Variants in BNC2 observed in about 807,000 individuals in gnomAD.
BNC2 encodes basonuclin zinc finger protein 2, also known as zinc finger protein basonuclin-2.
In BNC2, 20 loss-of-function variants were observed where a neutral mutation model predicts 76.3. The ratio of observed to expected loss-of-function variants is 0.26; its 90% confidence interval spans 0.18 to 0.38. BNC2 has a LOEUF of 0.38. Ranked by LOEUF, BNC2 falls within the 10% of genes least tolerant of loss-of-function variation. BNC2 has a pLI of 1.00. For synonymous variants in BNC2, 582 were observed against 514.8 expected (o/e 1.13, Z -1.77); for missense variants, 1,382 against 1,399.8 (o/e 0.99, Z 0.20).
chr9:16,694,400 C>T (rs936446125), intron 3 of BNC2, among the ~76,000 whole-genome samples: 16 of 152,078 alleles, frequency 1.1e-4, no homozygotes, highest in African/African-American at 3.9e-4. Context: ...GTTTAAGAGA[C>T]AAATACAACA....
At chr9:16,817,671 G>A (rs1035740751) in intron 1 of BNC2, among the ~76,000 whole-genome samples, 7 of 152,114 alleles carry the variant, frequency 4.6e-5, no homozygotes, top group Admixed American at 1.3e-4. Flanking sequence ...ATGGTTTAAC[G>A]TGCCTTAAAC....
intron 5 of BNC2, among the ~76,000 whole-genome samples, chr9:16,533,883 G>A (rs572339021): frequency 1.3e-5 from 2 of 152,170 alleles, no homozygotes; most frequent in South Asian, 2.1e-4. Context: ...AATTTTATTA[G>A]AGAGAAACAT....
chr9:16,613,670 C>T (rs973155249), intron 3 of BNC2, among the ~76,000 whole-genome samples: 1 of 152,194 alleles, frequency 6.6e-6, no homozygotes, highest in South Asian at 2.1e-4. Context: ...GCCTCTTAGA[C>T]CTCTTACCAT....
intron 3 of BNC2, among the ~76,000 whole-genome samples, chr9:16,694,837 C>T (rs772152617): frequency 6.6e-6 from 1 of 152,094 alleles, no homozygotes; most frequent in Non-Finnish European, 1.5e-5. Flanking sequence ...GAAAAATGTG[C>T]AAACGCATAC....
chr9:16,710,872 A>G (rs1538101), intron 3 of BNC2, among the ~76,000 whole-genome samples: 137,331 of 152,172 alleles, frequency 0.9, 62,066 homozygotes, highest in Admixed American at 0.93. Flanking sequence ...CACAGGACCC[A>G]CATTACTACT....
At chr9:16,779,840 G>A (rs61562818) in intron 1 of BNC2, among the ~76,000 whole-genome samples, 5 of 152,190 alleles carry the variant, frequency 3.3e-5, no homozygotes, top group African/African-American at 1.2e-4. Context: ...GCAGTGTTGT[G>A]GGGGGGCCAG....
chr9:16,827,397 C>G (rs1182263373), intron 1 of BNC2, among the ~76,000 whole-genome samples: 2 of 152,100 alleles, frequency 1.3e-5, no homozygotes, highest in Admixed American at 1.3e-4. Flanking sequence ...TCAGTGGGAC[C>G]CACTGAACAG....
intron 5 of BNC2, among the ~76,000 whole-genome samples, chr9:16,448,263 T>C (rs569362278): frequency 6.6e-6 from 1 of 152,146 alleles, no homozygotes; most frequent in Non-Finnish European, 1.5e-5. Flanking sequence ...TTTCTAAACA[T>C]AAATGCCAGA....
intron 4 of BNC2, among the ~76,000 whole-genome samples, chr9:16,556,318 CACAA>C (rs1254529258): frequency 3.3e-5 from 5 of 152,040 alleles, no homozygotes; most frequent in Admixed American, 2.0e-4. Flanking sequence ...ACTTTATTTA[CACAA>C]ACAGACACCT....
chr9:16,727,941 T>C lies in BNC2; in HGVS notation c.186A>G (p.Pro62=). ...RERETQRDRE[P]KRARDLTLRD... ...TTAAAGTCAAGTCTCTTGCCCTCTT[T>C]GGCTCTCTGTCTCTCTGTGTCTCTC... The change falls in exon 3 of 7, where the codon CCA becomes CCG. Residue 62 remains proline (P), a synonymous_variant. Transcript: ENST00000380672. 1 of 1,614,144 alleles carries C rather than the reference T, an allele frequency of 6.2e-7. No individual in the cohort carries two copies. The highest frequency in any genetic ancestry group is 8.5e-7 in the Non-Finnish European group (1 of 1,180,030).
intron 3 of BNC2, among the ~76,000 whole-genome samples, chr9:16,678,614 T>A (rs984177244): frequency 7.2e-5 from 11 of 151,766 alleles, no homozygotes; most frequent in East Asian, 3.9e-4. Context: ...GTAATTTTTT[T>A]AAAATTCTTT....
intron 1 of BNC2, among the ~76,000 whole-genome samples, chr9:16,822,353 A>G (rs922492671): frequency 4.7e-4 from 72 of 152,192 alleles, no homozygotes; most frequent in Non-Finnish European, 5.3e-4. Context: ...TAAATAGAAG[A>G]AATCAAGACA....
intron 1 of BNC2, among the ~76,000 whole-genome samples, chr9:16,777,676 T>C (rs915611346): frequency 1.5e-5 from 2 of 134,842 alleles, no homozygotes; most frequent in African/African-American, 5.5e-5. Flanking sequence ...ATTCCAGCCT[T>C]GGCGACAGGG....
At chr9:16,515,503 C>T (rs1822856238) in intron 5 of BNC2, among the ~76,000 whole-genome samples, 1 of 152,112 alleles carries the variant, frequency 6.6e-6, no homozygotes, top group South Asian at 2.1e-4. Context: ...CACCAACTCC[C>T]CTCTGGCTGT....
chr9:16,447,517 C>T (rs1429968037), intron 5 of BNC2, among the ~76,000 whole-genome samples: 1 of 152,084 alleles, frequency 6.6e-6, no homozygotes, highest in Non-Finnish European at 1.5e-5. Flanking sequence ...GTATTTATGA[C>T]TGAAAGTATG....
intron 3 of BNC2, among the ~76,000 whole-genome samples, chr9:16,708,776 G>A (rs757328597): frequency 1.3e-5 from 2 of 152,172 alleles, no homozygotes; most frequent in South Asian, 2.1e-4. Flanking sequence ...TGCTGGCAGA[G>A]AGGAGGAGCT....
intron 5 of BNC2, among the ~76,000 whole-genome samples, chr9:16,547,915 G>A (rs972543856): frequency 6.6e-6 from 1 of 152,146 alleles, no homozygotes; most frequent in Admixed American, 6.5e-5. Flanking sequence ...AAGGTTAAGA[G>A]AAAGATCCAG....
intron 1 of BNC2, among the ~76,000 whole-genome samples, chr9:16,836,497 C>T (rs1818710438): frequency 6.6e-6 from 1 of 151,200 alleles, no homozygotes; most frequent in East Asian, 2.0e-4. Flanking sequence ...AAAACTTTGG[C>T]CCAGCTCTTC....
At chr9:16,699,294 C>T (rs10738448) in intron 3 of BNC2, 284,185 of 446,230 alleles carry the variant, frequency 0.64, 99,684 homozygotes, top group Non-Finnish European at 0.79. Context: ...GAAGACAGGC[C>T]AACAGAATAG....
Sources: gnomAD v4.1 joint callset for allele counts (sites outside exome capture counted in the v4.1 genomes callset) on GRCh38, gnomAD v4.1.1 for gene constraint, MANE v1.5 for transcripts, NCBI Gene and HGNC (gene_info 2026-07-23, HGNC 2026-07-21) for gene names.